C3: variants seen among roughly 807,000 people sequenced by gnomAD.
C3 encodes the protein complement C3, also known as C3 and PZP-like alpha-2-macroglobulin domain-containing protein 1.
C3 carries 97 observed loss-of-function variants against 207.9 expected under a neutral mutation model. The ratio of observed to expected loss-of-function variants is 0.47; its 90% CI spans 0.40 to 0.55. The LOEUF (loss-of-function observed/expected upper bound fraction) is 0.55. Ranked by LOEUF, C3 falls within the 20% of genes least tolerant of loss-of-function variation. C3 has a pLI of 0.00. For synonymous variants in C3, 848 were observed against 857.6 expected (o/e 0.99, Z 0.20); for missense variants, 1,684 against 2,171.7 (o/e 0.78, Z 4.46).
intron 9 of C3, 46 bp from the exon 10 acceptor site, chr19:6,712,669 G>GATTAGACCTCCTCCCTCAGA (rs751081237): frequency 6.7e-7 from 1 of 1,491,994 alleles, no homozygotes; most frequent in East Asian, 2.3e-5. Context: ...CACCCCTCAG[G>GATTAGACCTCCTCCCTCAGA]ATTAGACCTC....
intron 17 of C3, 66 bp from the exon 18 acceptor site, chr19:6,702,645 C>A: frequency 8.7e-7 from 1 of 1,155,008 alleles, no homozygotes; most frequent in East Asian, 2.3e-5. Context: ...TGCCTGAAAT[C>A]CCAGCACTTA....
chr19:6,709,616 C>CCA, intron 14 of C3, 68 bp downstream of exon 14: 1 of 999,566 alleles, frequency 1.0e-6, no homozygotes, highest in Non-Finnish European at 1.6e-6. Context: ...TCCAGTCCCA[C>CCA]CCACCTCCCC....
In C3 at chr19:6,678,194, A is replaced by G; in HGVS notation, c.4808T>C (p.Leu1603Pro). Residue 1603 changes from leucine to proline, a missense_variant, in exon 40 of 41, where the codon CTC becomes CCC. Around this residue, in one of 3 missense-constraint regions of C3, gnomAD observed 346 missense variants for 380.1 expected, o/e 0.91. Transcript: ENST00000245907. ...GAAATCGGAGGAGAGACCCCACATG[A>G]GGTAGTGTTTCTTCTCCTCCAGCTT... ...ALKLEEKKHY[L>P]MWGLSSDFWG... 1 of 1,614,124 alleles carries G rather than the reference A, an allele frequency of 6.2e-7. No homozygotes were observed. The highest frequency in any genetic ancestry group is 8.5e-7 in the Non-Finnish European group (1 of 1,180,018).
intron 17 of C3, among the ~76,000 whole-genome samples, chr19:6,703,313 A>G (rs889577787): frequency 2.6e-5 from 4 of 152,136 alleles, no homozygotes; most frequent in Admixed American, 6.6e-5. Flanking sequence ...TTTTTAAAGA[A>G]ACGAAAGCAT....
chr19:6,700,680 A>G lies in C3; in HGVS notation c.2440+1447T>C, dbSNP rs949947888. On this transcript the variant is annotated intron_variant, in intron 19 of 40. Transcript: ENST00000245907. Reference sequence around the variant, plus strand: ...ATATGATATATTATATATGTAATATATAATATATGATATATTATATATGTA... The same window carrying G: ...ATATGATATATTATATATGTAATATGTAATATATGATATATTATATATGTA... Among the ~76,000 whole-genome samples, 16 of 29,034 alleles carry G rather than the reference A, an allele frequency of 5.5e-4. No individual in the cohort carries two copies. The East Asian group carries it at 9.4e-3, about 17-fold the overall frequency. 19.0% of individuals were successfully genotyped at this position (29,034 alleles called of 152,430 possible).
In C3 at chr19:6,709,720, G is replaced by A. The variant is rs780787862; in HGVS notation, c.1809C>T (p.Phe603=). 16 of 1,613,130 alleles carry A rather than the reference G, an allele frequency of 9.9e-6. No homozygotes were observed. Among genetic ancestry groups the A allele is most frequent in the Admixed American group, 5.0e-5 (3 of 59,906 alleles). ...VVLVAVDKGV[F]VLNKKNKLTQ... is the part of the protein sequence containing the mutation. ...TCAGTTTGTTCTTCTTATTCAGCAC[G>A]AACACGCCCTTGTCCACGGCCACCA... is the stretch of plus-strand genomic sequence containing the variant. Residue 603 remains phenylalanine (F), a synonymous_variant, in exon 14 of 41, where the codon TTC becomes TTT. Transcript: ENST00000245907.
chr19:6,691,071 T>TG (rs1918154257), intron 26 of C3, among the ~76,000 whole-genome samples: 2 of 151,456 alleles, frequency 1.3e-5, no homozygotes, highest in South Asian at 4.2e-4. Context: ...TTTTTTTTTT[T>TG]TGGGACAGTT....
chr19:6,696,958 C>T (rs1406013952), intron 21 of C3, among the ~76,000 whole-genome samples: 1 of 151,154 alleles, frequency 6.6e-6, no homozygotes, highest in Non-Finnish European at 1.5e-5. Flanking sequence ...AGGAGGATGG[C>T]GTGAACCCGG....
intron 24 of C3, 59 bp from the exon 25 acceptor site, chr19:6,693,546 A>C: frequency 6.7e-7 from 1 of 1,491,888 alleles, no homozygotes; most frequent in Non-Finnish European, 9.2e-7. Context: ...GGGGCACGCC[A>C]GAAAGGGCAG....
At chr19:6,688,144 T>A (rs1313106647) in intron 27 of C3, among the ~76,000 whole-genome samples, 1 of 150,728 alleles carries the variant, frequency 6.6e-6, no homozygotes, top group Non-Finnish European at 1.5e-5. Flanking sequence ...GCGCCTGGCC[T>A]TTTTTTTGAG....
chr19:6,712,396 G>T lies in C3; in HGVS notation c.1130C>A (p.Thr377Lys). The change falls in exon 11 of 41, where the codon ACG (threonine) becomes AAG (lysine). Residue 377 changes from threonine (T) to lysine (K), a missense_variant. By Grantham distance (78) the Thr-to-Lys change is moderately conservative (BLOSUM62 -1). This residue lies in a region of C3 where 1,280 missense variants were observed against 1,739.1 expected (regional missense o/e 0.74). Coordinates refer to ENST00000245907, the MANE Select transcript of C3 (RefSeq NM_000064.4). ...GTAGGCTGGAGAGCCATCAGGGTTC[G>T]TCACGAACACCTGTGATGTGGGGTG... ...GMPFDLMVFV[T>K]NPDGSPAYRV... The T allele has an allele frequency of 6.2e-7, 1 of 1,614,156 alleles. No individual in the cohort carries two copies. Among genetic ancestry groups the T allele is most frequent in the Non-Finnish European group, 8.5e-7 (1 of 1,180,002 alleles).
chr19:6,703,582 C>T (rs1036143668), intron 17 of C3, among the ~76,000 whole-genome samples: 24 of 150,288 alleles, frequency 1.6e-4, no homozygotes, highest in Non-Finnish European at 3.3e-4. Flanking sequence ...ACTCCAGCCT[C>T]GGTGACGGAG....
Position 6,707,817 on chromosome 19 carries a change from T to C in C3, c.1958A>G (p.Gln653Arg), listed in dbSNP as rs139893485. The C allele has an allele frequency of 6.2e-7, 1 of 1,613,744 alleles. No homozygotes were observed. Among genetic ancestry groups the C allele is most frequent in the Non-Finnish European group, 8.5e-7 (1 of 1,179,994 alleles). Residue 653 changes from glutamine (Q) to arginine (R), a missense_variant, in exon 15 of 41, where the codon CAG becomes CGG. By Grantham distance (43) the Gln-to-Arg change is conservative. Coordinates refer to ENST00000245907, the MANE Select transcript of C3 (RefSeq NM_000064.4). ...GACCTCACCTGCCCTCTGGGCGGTC[T>C]GCTGGCCACTGCTGCTCGTGAAGGT... ...GLTFTSSSGQ[Q>R]TAQRAELQCP...
intron 11 of C3, 146 bp from the exon 12 acceptor site, chr19:6,711,342 T>C: frequency 2.8e-6 from 2 of 709,394 alleles, no homozygotes; most frequent in Admixed American, 4.0e-5. Context: ...GGAATCATTA[T>C]CCTGGATTAT....
intron 23 of C3, among the ~76,000 whole-genome samples, chr19:6,695,268 CAA>C (rs59296902): frequency 1.1e-4 from 12 of 107,176 alleles, no homozygotes; most frequent in East Asian, 2.9e-4. Flanking sequence ...GACTCCGCCT[CAA>C]AAAAAAAAAA....
At chr19:6,714,116 T>A (rs774712170) in intron 6 of C3, 34 bp from the exon 7 acceptor site, 1 of 1,610,042 alleles carries the variant, frequency 6.2e-7, no homozygotes, top group Non-Finnish European at 8.5e-7. Flanking sequence ...GGGCCGGCGC[T>A]GGGCCAGGCG....
At position 6,678,207 on chromosome 19, in the gene C3, TCTC is replaced by T. The variant is rs760312547; in HGVS notation, c.4792_4794del (p.Glu1598del). On this transcript the variant is annotated inframe_deletion, in exon 40 of 41. Coordinates refer to ENST00000245907, the MANE Select transcript of C3 (RefSeq NM_000064.4). Reference sequence around the variant, plus strand: ...AGACCCCACATGAGGTAGTGTTTCTTCTCCTCCAGCTTCAGGGCTTCTCTGCAC... The same window carrying T: ...AGACCCCACATGAGGTAGTGTTTCTTCTCCAGCTTCAGGGCTTCTCTGCAC... 10 of 1,614,036 alleles carry T rather than the reference TCTC, an allele frequency of 6.2e-6. No homozygotes were observed. In the East Asian group the frequency reaches 1.6e-4, roughly 25 times the overall value.
chr19:6,716,485 C>G (rs1236813259), intron 4 of C3: 1 of 152,244 alleles, frequency 6.6e-6, no homozygotes, highest in African/African-American at 2.4e-5. Context: ...ATCCTCCCGC[C>G]TTGGCCTCCC....
rs775448730 is a variant in C3 at position 6,696,426 on chromosome 19, C to T, written c.2903G>A (p.Ser968Asn). The T allele has an allele frequency of 5.0e-6, 8 of 1,613,822 alleles. No homozygotes were observed. The highest frequency in any genetic ancestry group is 3.4e-6 in the Non-Finnish European group (4 of 1,179,926). Residue 968 changes from serine (S) to asparagine (N), a missense_variant, in exon 23 of 41, where the codon AGT becomes AAT. By Grantham distance (46) the Ser-to-Asn change is conservative. This residue lies in a region of C3 where 1,280 missense variants were observed against 1,739.1 expected (regional missense o/e 0.74). Coordinates refer to ENST00000245907, the MANE Select transcript of C3 (RefSeq NM_000064.4). Reference protein sequence around the residue: ...QKEDIPPADLSDQVPDTESET... With the variant: ...QKEDIPPADLNDQVPDTESET... ...AGACTCGGTGTCCGGGACTTGGTCA[C>T]TGAGGTCTGCAGGTGGGATGTCCTC...
Sources: gnomAD v4.1 joint callset for allele counts (sites outside exome capture counted in the v4.1 genomes callset) on GRCh38, gnomAD v4.1.1 for gene constraint, gnomAD v4.1.1 regional missense constraint, MANE v1.5 for transcripts, NCBI Gene and HGNC (gene_info 2026-07-23, HGNC 2026-07-21) for gene names.